The following RAP1GDS1 variants were observed in gnomAD, a reference collection of about 807,000 sequenced individuals.
RAP1GDS1 encodes the protein RAP1, GTP-GDP dissociation stimulator 1.
Under a neutral mutation model 71.1 loss-of-function variants are expected in RAP1GDS1, and 35 were observed. The observed-to-expected ratio is 0.49, with a 90% CI of 0.38 to 0.65. RAP1GDS1 has a LOEUF of 0.65. Among genes scored for constraint, RAP1GDS1 ranks in the 30% least tolerant of loss-of-function variants. The probability of loss-of-function intolerance (pLI) is 0.00; values close to 1 mark genes in which losing one functional copy is unlikely to be tolerated. For synonymous variants in RAP1GDS1, 229 were observed against 243.1 expected, an observed-to-expected ratio of 0.94 and a Z score of 0.54; for missense variants, 663 against 706.1, an observed-to-expected ratio of 0.94 and a Z score of 0.69.
Position 98,405,835 on chromosome 4 carries a change from G to A in RAP1GDS1, c.763+1233G>A, listed in dbSNP as rs73834477. The stretch of plus-strand genomic sequence containing the variant: ...GGGGAGAATAAAGACCAAAAAAAAC[G>A]GTAGATATATAGGTAAATCTTATAA... On this transcript the variant is annotated intron_variant, in intron 7 of 14. Coordinates refer to ENST00000408927, the MANE Select transcript of RAP1GDS1 (RefSeq NM_001100427.2). Among the ~76,000 whole-genome samples the A allele has an allele frequency of 3.8e-3, 583 of 151,698 alleles. 6 individuals carry two copies. Among genetic ancestry groups the A allele is most frequent in the African/African-American group, 0.013 (557 of 41,418 alleles).
At chr4:98,285,950 A>T (rs1463769744) in intron 1 of RAP1GDS1, among the ~76,000 whole-genome samples, 2 of 148,944 alleles carry the variant, frequency 1.3e-5, no homozygotes, top group African/African-American at 4.9e-5. Flanking sequence ...TATTTATTAT[A>T]ATAATGGGCA....
chr4:98,369,624 G>A, intron 4 of RAP1GDS1, among the ~76,000 whole-genome samples: 1 of 152,176 alleles, frequency 6.6e-6, no homozygotes, highest in Non-Finnish European at 1.5e-5. Flanking sequence ...ACTGCATGAA[G>A]CCATTTCTAT....
At chr4:98,436,910 C>A in intron 13 of RAP1GDS1, 30 bp from the exon 14 acceptor site, 2 of 1,558,132 alleles carry the variant, frequency 1.3e-6, no homozygotes, top group African/African-American at 1.4e-5. Flanking sequence ...TGGGTTCGTA[C>A]GCAGTAGATA....
chr4:98,281,425 A>G (rs958434041), intron 1 of RAP1GDS1, among the ~76,000 whole-genome samples: 1 of 152,114 alleles, frequency 6.6e-6, no homozygotes, highest in African/African-American at 2.4e-5. Context: ...TTATTGGTGT[A>G]TAGGAATGCT....
intron 3 of RAP1GDS1, among the ~76,000 whole-genome samples, chr4:98,347,824 A>G (rs944021918): frequency 6.6e-6 from 1 of 152,194 alleles, no homozygotes; most frequent in Admixed American, 6.5e-5. Flanking sequence ...CTTTTAGGCT[A>G]TTGAGTCAGA....
chr4:98,378,552 TAAC>T (rs548215479), intron 4 of RAP1GDS1, among the ~76,000 whole-genome samples: 331 of 152,108 alleles, frequency 2.2e-3, no homozygotes, highest in Middle Eastern at 6.8e-3. Flanking sequence ...AAAGACATAA[TAAC>T]GTTCCCATAT....
chr4:98,331,579 A>G (rs755350799), intron 2 of RAP1GDS1, among the ~76,000 whole-genome samples: 23 of 152,204 alleles, frequency 1.5e-4, no homozygotes, highest in Non-Finnish European at 2.5e-4. Flanking sequence ...TGCATTTTAT[A>G]TAATTTTGGA....
At chr4:98,440,070 T>C (rs1288070334) in intron 14 of RAP1GDS1, among the ~76,000 whole-genome samples, 6 of 152,222 alleles carry the variant, frequency 3.9e-5, no homozygotes, top group Admixed American at 2.0e-4. Context: ...AGTCACCACA[T>C]ATATGTGGAA....
At chr4:98,326,632 T>TA (rs1317038875) in intron 2 of RAP1GDS1, among the ~76,000 whole-genome samples, 1 of 152,162 alleles carries the variant, frequency 6.6e-6, no homozygotes, top group East Asian at 1.9e-4. Context: ...TATTAATGCT[T>TA]AAATTCTTTC....
intron 2 of RAP1GDS1, among the ~76,000 whole-genome samples, chr4:98,339,727 C>T (rs1735214006): frequency 6.6e-6 from 1 of 151,976 alleles, no homozygotes; most frequent in Admixed American, 6.6e-5. Context: ...AGTGTAATGC[C>T]AGTGCAAAAA....
chr4:98,357,572 A>G (rs1018231527), intron 4 of RAP1GDS1, among the ~76,000 whole-genome samples: 1 of 151,936 alleles, frequency 6.6e-6, no homozygotes, highest in Admixed American at 6.5e-5. Context: ...AGCTTTTTAA[A>G]TGGTAGAGAA....
At chr4:98,331,451 G>C (rs1257333499) in intron 2 of RAP1GDS1, among the ~76,000 whole-genome samples, 9 of 152,128 alleles carry the variant, frequency 5.9e-5, no homozygotes, top group Non-Finnish European at 1.0e-4. Context: ...AGAGACTTAA[G>C]AGTGGCTATG....
chr4:98,315,136 C>A (rs1164815862), intron 2 of RAP1GDS1, among the ~76,000 whole-genome samples: 1 of 152,114 alleles, frequency 6.6e-6, no homozygotes, highest in Non-Finnish European at 1.5e-5. Flanking sequence ...TCAAATGTTA[C>A]CTTATTTGCA....
chr4:98,386,055 TA>T (rs146647509), intron 5 of RAP1GDS1, among the ~76,000 whole-genome samples: 9,909 of 143,288 alleles, frequency 0.069, 800 homozygotes, highest in African/African-American at 0.2. Context: ...TAGTCCTCTT[TA>T]AAAAAAAAAA....
intron 2 of RAP1GDS1, among the ~76,000 whole-genome samples, chr4:98,303,742 C>T (rs1164126268): frequency 6.6e-6 from 1 of 151,770 alleles, no homozygotes; most frequent in Non-Finnish European, 1.5e-5. Flanking sequence ...GCAGGGCATG[C>T]AGGTTTGTTA....
intron 2 of RAP1GDS1, among the ~76,000 whole-genome samples, chr4:98,298,285 A>G (rs1486999901): frequency 6.6e-6 from 1 of 152,190 alleles, no homozygotes; most frequent in Non-Finnish European, 1.5e-5. Context: ...ATCATTGATG[A>G]AGGAGGAGGC....
intron 2 of RAP1GDS1, among the ~76,000 whole-genome samples, chr4:98,295,769 A>G (rs1727645622): frequency 6.6e-6 from 1 of 152,076 alleles, no homozygotes; most frequent in African/African-American, 2.4e-5. Context: ...CTTTAATAAA[A>G]ATAGCTCTAA....
chr4:98,402,076 A>AT (rs5860535), intron 6 of RAP1GDS1, among the ~76,000 whole-genome samples: 11,603 of 151,802 alleles, frequency 0.076, 493 homozygotes, highest in Admixed American at 0.14. Flanking sequence ...CTTTTTATTT[A>AT]TTTTTTTTCT....
At chr4:98,276,712 C>T (rs1046338901) in intron 1 of RAP1GDS1, among the ~76,000 whole-genome samples, 1 of 152,120 alleles carries the variant, frequency 6.6e-6, no homozygotes, top group African/African-American at 2.4e-5. Context: ...GAAGGAAATG[C>T]TGGGACTATG....
Sources: gnomAD v4.1 joint callset for allele counts (sites outside exome capture counted in the v4.1 genomes callset) on GRCh38, gnomAD v4.1.1 for gene constraint, MANE v1.5 for transcripts, NCBI Gene and HGNC (gene_info 2026-07-23, HGNC 2026-07-21) for gene names.